HDHD2: variants seen among roughly 807,000 people sequenced by gnomAD.
HDHD2 encodes haloacid dehalogenase-like hydrolase domain-containing protein 2.
In HDHD2, 26 loss-of-function variants were observed where a neutral mutation model predicts 24.8. The observed-to-expected ratio is 1.05, with a 90% CI of 0.77 to 1.45. The LOEUF (loss-of-function observed/expected upper bound fraction) is 1.45, where lower values mean the gene tolerates loss of function less well. Among genes scored for constraint, HDHD2 ranks in the 40% most tolerant of loss-of-function variants. HDHD2 has a pLI of 0.00. For synonymous variants in HDHD2, 128 were observed against 114.9 expected, an observed-to-expected ratio of 1.11 and a Z score of -0.73; for missense variants, 299 against 313.4, an observed-to-expected ratio of 0.95 and a Z score of 0.35.
At chr18:47,133,870 A>G (rs1255704653) in intron 3 of HDHD2, among the ~76,000 whole-genome samples, 1 of 151,858 alleles carries the variant, frequency 6.6e-6, no homozygotes, top group African/African-American at 2.4e-5. Context: ...TAGATTCTGG[A>G]TATTAGCCTT....
intron 2 of HDHD2, among the ~76,000 whole-genome samples, chr18:47,135,127 T>A (rs2063751974): frequency 6.6e-6 from 1 of 152,160 alleles, no homozygotes; most frequent in African/African-American, 2.4e-5. Flanking sequence ...TCCCAACTGA[T>A]GCCTGCCAGA....
chr18:47,146,264 G>A (rs547269562), intron 1 of HDHD2, among the ~76,000 whole-genome samples: 1 of 148,290 alleles, frequency 6.7e-6, no homozygotes, highest in African/African-American at 2.5e-5. Context: ...AATCTGAACA[G>A]CAAATAAATG....
At chr18:47,139,836 CTG>C (rs1568060470) in intron 1 of HDHD2, among the ~76,000 whole-genome samples, 1 of 152,182 alleles carries the variant, frequency 6.6e-6, no homozygotes, top group African/African-American at 2.4e-5. Context: ...TCTGTATTGA[CTG>C]TTGTTGTGTT....
intron 4 of HDHD2, among the ~76,000 whole-genome samples, chr18:47,129,679 A>C (rs1256685674): frequency 6.6e-6 from 1 of 152,146 alleles, no homozygotes; most frequent in African/African-American, 2.4e-5. Context: ...TTCTCACTGG[A>C]GGTAGAATCG....
chr18:47,136,301 C>T, intron 2 of HDHD2, 38 bp downstream of exon 2: 2 of 1,611,018 alleles, frequency 1.2e-6, no homozygotes, highest in Non-Finnish European at 1.7e-6. Context: ...ATGGCACTTA[C>T]AAACATATTT....
chr18:47,149,375 T>C (rs72907266), intron 1 of HDHD2, among the ~76,000 whole-genome samples: 3,998 of 152,288 alleles, frequency 0.026, 59 homozygotes, highest in Non-Finnish European at 0.041. Flanking sequence ...CTTCCCTATA[T>C]GGTTCCAGAC....
At chr18:47,124,444 C>T (rs1469850743) in intron 4 of HDHD2, among the ~76,000 whole-genome samples, 11 of 152,144 alleles carry the variant, frequency 7.2e-5, no homozygotes, top group East Asian at 1.9e-4. Flanking sequence ...CAGTGGCTCA[C>T]GCCTGTAATC....
rs553916688 is a variant in HDHD2, at chr18:47,108,376, C to G, written c.*306G>C. On this transcript the variant is annotated 3_prime_UTR_variant, in exon 7 of 7. Coordinates refer to ENST00000300605, the MANE Select transcript of HDHD2 (RefSeq NM_032124.5). ...CAGTGAAGAGACAGCAGAGAACACT[C>G]TTCCCTGTAGTAGCTTTTCCCCCAC... The G allele has an allele frequency of 1.2e-5, 3 of 244,692 alleles. No homozygotes were observed. The highest frequency in any genetic ancestry group is 6.7e-5 in the African/African-American group (3 of 44,948). The allele number at this position is 244,692 out of a possible 1,614,324, so 15.2% of individuals were successfully genotyped here. A position where few individuals can be genotyped will look rare whatever the true frequency, so the allele number is the denominator to read the frequency against.
At chr18:47,111,903 T>C in intron 6 of HDHD2, 1 of 617,748 alleles carries the variant, frequency 1.6e-6, no homozygotes, top group African/African-American at 2.0e-5. Flanking sequence ...GTTTAAATAT[T>C]CCCTTCTGTA....
At position 47,115,257 on chromosome 18, in the gene HDHD2, C is replaced by T; in HGVS notation, c.487G>A (p.Val163Met). 6.2e-7 allele frequency: 1 copy of T among 1,614,086 alleles called. No individual in the cohort carries two copies. The highest frequency in any genetic ancestry group is 8.5e-7 in the Non-Finnish European group (1 of 1,179,946). ...TCTGTGGCATACTCTAAAGCAGTCA[C>T]AAATGGTCCAGGCCCCAGGGCTAAG... ...DGLALGPGPF[V>M]TALEYATDTK... Residue 163 changes from valine to methionine, a missense_variant, in exon 5 of 7, where the codon GTG (valine) becomes ATG (methionine). Val to Met is a conservative substitution (Grantham distance 21). Transcript: ENST00000300605.
At chr18:47,146,878 G>C (rs1817652449) in intron 1 of HDHD2, among the ~76,000 whole-genome samples, 1 of 152,194 alleles carries the variant, frequency 6.6e-6, no homozygotes, top group Non-Finnish European at 1.5e-5. Flanking sequence ...ACAGGAAGCA[G>C]ATGCAAACCA....
At chr18:47,137,207 G>A (rs75284103) in intron 1 of HDHD2, 14,916 of 657,676 alleles carry the variant, frequency 0.023, 242 homozygotes, top group Non-Finnish European at 0.027. Flanking sequence ...CCAATTTGAT[G>A]GGCAATCAAT....
intron 1 of HDHD2, among the ~76,000 whole-genome samples, chr18:47,142,207 A>G (rs2063825714): frequency 6.6e-6 from 1 of 152,168 alleles, no homozygotes; most frequent in African/African-American, 2.4e-5. Flanking sequence ...TCAAAAGAAT[A>G]ATATTTTGTG....
In HDHD2 at chr18:47,127,710, C is replaced by CAA. The variant is rs1235418525; in HGVS notation, c.395+2532_395+2533dup. The stretch of plus-strand genomic sequence containing the variant: ...TGGATGACAGAGCGAGACTTGGTCT[C>CAA]AAAAAAAAAAAAAAAAAAACCAACC... On this transcript the variant is annotated intron_variant, in intron 4 of 6. Transcript: ENST00000300605. 7.1e-3 allele frequency among the ~76,000 whole-genome samples: 445 copies of CAA among 62,348 alleles called. 7 individuals are homozygous for CAA. The highest frequency in any genetic ancestry group is 0.022 in the African/African-American group (421 of 19,426). 40.9% of individuals were successfully genotyped at this position (62,348 alleles called of 152,430 possible).
intron 4 of HDHD2, among the ~76,000 whole-genome samples, chr18:47,128,570 T>A (rs1252882821): frequency 1.3e-5 from 2 of 152,226 alleles, no homozygotes; most frequent in Non-Finnish European, 2.9e-5. Flanking sequence ...GAAGTACATC[T>A]CCAAGTGATC....
intron 6 of HDHD2, chr18:47,111,245 A>G (rs548906124): frequency 5.1e-6 from 5 of 985,354 alleles, no homozygotes; most frequent in Middle Eastern, 5.2e-4. Flanking sequence ...GGCTGGTCAC[A>G]ATAAAATGCC....
intron 4 of HDHD2, among the ~76,000 whole-genome samples, chr18:47,129,155 T>G (rs1197668547): frequency 6.6e-6 from 1 of 152,086 alleles, no homozygotes; most frequent in East Asian, 1.9e-4. Flanking sequence ...TGACAAGAAA[T>G]AAAAGGCAAG....
chr18:47,131,723 C>T (rs1243646498), intron 3 of HDHD2, among the ~76,000 whole-genome samples: 1 of 152,030 alleles, frequency 6.6e-6, no homozygotes, highest in African/African-American at 2.4e-5. Context: ...TACTACTTTG[C>T]TTTTTCCTAT....
intron 1 of HDHD2, chr18:47,149,011 A>C (rs992084556): frequency 6.6e-6 from 1 of 152,118 alleles, no homozygotes; most frequent in Admixed American, 6.6e-5. Flanking sequence ...TAATAACACA[A>C]CTCTAATGGT....
Sources: allele counts gnomAD v4.1 joint callset (sites outside exome capture counted in the v4.1 genomes callset), GRCh38; gene constraint gnomAD v4.1.1; transcripts MANE v1.5; gene names NCBI Gene and HGNC (gene_info 2026-07-23, HGNC 2026-07-21).